Variants in TXNRD2 observed in about 807,000 individuals in gnomAD.
TXNRD2 encodes the protein thioredoxin reductase 2, also known as thioredoxin reductase 2, mitochondrial.
Under a neutral mutation model 70.8 loss-of-function variants are expected in TXNRD2, and 67 were observed. That is an observed-to-expected ratio of 0.95 (90% CI 0.78 to 1.16). The LOEUF (loss-of-function observed/expected upper bound fraction) is 1.16, where lower values mean the gene tolerates loss of function less well. TXNRD2 is among the 50% of genes most tolerant of loss of function. The pLI, the probability that TXNRD2 is intolerant of heterozygous loss-of-function variation, is 0.00. For missense variants in TXNRD2, 644 were observed against 719.9 expected (o/e 0.89, Z 1.21); for synonymous variants, 301 against 295.8 (o/e 1.02, Z -0.18).
chr22:19,933,318 G>A lies in TXNRD2; in HGVS notation c.104-2220C>T. ...ATATAAGTCTAGAGAACCAAGGACT[G>A]CTGGTCAGGGAGAAAATGCCACCAG... is the stretch of plus-strand genomic sequence containing the variant. On this transcript the variant is annotated intron_variant, in intron 1 of 17. Transcript: ENST00000400521. 5.5e-6 allele frequency: 3 copies of A among 544,680 alleles called. No individual in the cohort carries two copies. In the Admixed American group the frequency reaches 7.1e-5, roughly 13 times the overall value. 33.7% of individuals were successfully genotyped at this position (544,680 alleles called of 1,614,324 possible). A position where few individuals can be genotyped will look rare whatever the true frequency, so the allele number is the denominator to read the frequency against.
In TXNRD2 at chr22:19,931,020, G is replaced by A; in HGVS notation, c.172+10C>T. The A allele has an allele frequency of 6.2e-7, 1 of 1,613,418 alleles. No homozygotes were observed. The highest frequency in any genetic ancestry group is 8.5e-7 in the Non-Finnish European group (1 of 1,179,770). On this transcript the variant is annotated intron_variant, in intron 2 of 17. Coordinates refer to ENST00000400521, the MANE Select transcript of TXNRD2 (RefSeq NM_006440.5). Reference sequence around the variant, plus strand: ...TCGAGGCCTTGCCACGAAGTATACAGAATACATACCCTCCTTGGCACAAGC... The same window carrying A: ...TCGAGGCCTTGCCACGAAGTATACAAAATACATACCCTCCTTGGCACAAGC...
intron 8 of TXNRD2, among the ~76,000 whole-genome samples, chr22:19,909,971 CCACACACACCATT>C (rs1356483386): frequency 1.2e-4 from 14 of 121,592 alleles, no homozygotes; most frequent in South Asian, 5.8e-4. Flanking sequence ...CACACACACA[CCACACACACCATT>C]CACACACACA....
At position 19,883,419 on chromosome 22, in the gene TXNRD2, C is replaced by T; in HGVS notation, c.992G>A (p.Gly331Glu). 1 of 1,614,064 alleles carries T rather than the reference C, an allele frequency of 6.2e-7. No homozygotes were observed. Among genetic ancestry groups the T allele is most frequent in the Non-Finnish European group, 8.5e-7 (1 of 1,180,032 alleles). Residue 331 changes from glycine to glutamate, a missense_variant, in exon 12 of 18, where the codon GGG becomes GAG. Transcript: ENST00000400521. ...DTRSLNLEKAGVDTSPDTQKI... is the reference protein window; with the variant it reads ...DTRSLNLEKAEVDTSPDTQKI... ...CTGAGTGTCGGGGCTAGTATCTACC[C>T]CAGCCTTCTCCAAATTCAGACTTCT...
chr22:19,883,547 C>A, intron 11 of TXNRD2, 86 bp from the exon 12 acceptor site: 1 of 1,591,386 alleles, frequency 6.3e-7, no homozygotes, highest in South Asian at 1.1e-5. Flanking sequence ...CTCAGAATGT[C>A]CACTTAGAGA....
chr22:19,940,225 A>T (rs935569700), intron 1 of TXNRD2, among the ~76,000 whole-genome samples: 1 of 140,828 alleles, frequency 7.1e-6, no homozygotes, highest in Non-Finnish European at 1.5e-5. Context: ...AGCTTGGGCG[A>T]CAGAGCAAGA....
At position 19,878,347 on chromosome 22, in the gene TXNRD2, G is replaced by A. The variant is rs992190470; in HGVS notation, c.1347+19C>T. ...CCCTCCCTCTCATCCTCAGCACCCT[G>A]GGCCACAGGGATGCTCACCTTTACA... On this transcript the variant is annotated intron_variant, in intron 15 of 17. Coordinates refer to ENST00000400521, the MANE Select transcript of TXNRD2 (RefSeq NM_006440.5). 5 of 1,613,348 alleles carry A rather than the reference G, an allele frequency of 3.1e-6. No homozygotes were observed. In the African/African-American group the frequency reaches 5.3e-5, roughly 17 times the overall value.
rs539795932 is a variant in TXNRD2 at position 19,936,491 on chromosome 22, A to G, written c.103+5210T>C. ...ATCTATGCTAACTCTTCCCTCTCCAAACCTTTACAGTCTTTGCCTCCGGAG... is the reference window on the plus strand; with the variant it reads ...ATCTATGCTAACTCTTCCCTCTCCAGACCTTTACAGTCTTTGCCTCCGGAG... On this transcript the variant is annotated intron_variant, in intron 1 of 17. Coordinates refer to ENST00000400521, the MANE Select transcript of TXNRD2 (RefSeq NM_006440.5). 4.2e-4 allele frequency among the ~76,000 whole-genome samples: 64 copies of G among 152,078 alleles called. No individual in the cohort carries two copies. In the South Asian group the frequency reaches 0.012, roughly 29 times the overall value.
Position 19,883,394 on chromosome 22 carries a change from C to A in TXNRD2, c.1017G>T (p.Gln339His). 3.7e-6 allele frequency: 6 copies of A among 1,614,080 alleles called. No individual in the cohort carries two copies. The highest frequency in any genetic ancestry group is 4.2e-6 in the Non-Finnish European group (5 of 1,180,034). ...CTTCCCGGGAGTCCACCAGGATCTT[C>A]TGAGTGTCGGGGCTAGTATCTACCC... The part of the protein sequence containing the change: ...KAGVDTSPDT[Q>H]KILVDSREAT... The change falls in exon 12 of 18, where the codon CAG (glutamine) becomes CAT (histidine). Residue 339 changes from glutamine to histidine, a missense_variant. Physicochemically the swap from Gln to His is conservative, Grantham distance 24 (BLOSUM62 0). Coordinates refer to ENST00000400521, the MANE Select transcript of TXNRD2 (RefSeq NM_006440.5).
At chr22:19,909,960 TCACA>T (rs759756078) in intron 8 of TXNRD2, among the ~76,000 whole-genome samples, 1 of 100,132 alleles carries the variant, frequency 1.0e-5, no homozygotes, top group African/African-American at 4.0e-5. Flanking sequence ...CACACACCAC[TCACA>T]CACACACCAC....
rs1940583273 is a variant in TXNRD2, at chr22:19,915,246, CAAT to C, written c.556_558del (p.Ile186del). 1 of 1,613,744 alleles carries C rather than the reference CAAT, an allele frequency of 6.2e-7. No individual in the cohort carries two copies. Among genetic ancestry groups the C allele is most frequent in the African/African-American group, 1.3e-5 (1 of 74,866 alleles). ...GGGTATCTCGGCCGCCCTCCAGTAG[CAAT>C]GATGATGTGATCGGCTGACAGCAGA... On this transcript the variant is annotated inframe_deletion, in exon 7 of 18. Coordinates refer to ENST00000400521, the MANE Select transcript of TXNRD2 (RefSeq NM_006440.5).
chr22:19,917,027 T>G (rs144075736), intron 5 of TXNRD2, among the ~76,000 whole-genome samples: 3 of 152,332 alleles, frequency 2.0e-5, no homozygotes, highest in South Asian at 2.1e-4. Flanking sequence ...CTGTCTGAGC[T>G]GCGTGAAGTT....
chr22:19,935,062 C>T (rs5748484), intron 1 of TXNRD2, among the ~76,000 whole-genome samples: 32,101 of 152,054 alleles, frequency 0.21, 4,020 homozygotes, highest in Middle Eastern at 0.34. Flanking sequence ...TTTTAGGGAA[C>T]GAAGACAACC....
intron 6 of TXNRD2, 48 bp from the exon 7 acceptor site, chr22:19,915,324 C>G (rs372308605): frequency 1.8e-5 from 29 of 1,589,318 alleles, no homozygotes; most frequent in Non-Finnish European, 2.4e-5. Context: ...GCATGGTGAT[C>G]ACCCCACCGG....
At chr22:19,899,156 C>A (rs1939657349) in intron 8 of TXNRD2, 88 bp from the exon 9 acceptor site, 2 of 1,571,676 alleles carry the variant, frequency 1.3e-6, no homozygotes, top group Non-Finnish European at 8.7e-7. Flanking sequence ...AGCCTTTGCC[C>A]AGGCCCTTGG....
At chr22:19,878,832 AGGCACCCT>A (rs1938625853) in intron 14 of TXNRD2, among the ~76,000 whole-genome samples, 1 of 152,228 alleles carries the variant, frequency 6.6e-6, no homozygotes, top group Non-Finnish European at 1.5e-5. Flanking sequence ...GGGCTCCCTC[AGGCACCCT>A]GGTGTTTGCT....
chr22:19,876,053 T>A (rs915837005), intron 17 of TXNRD2: 4 of 152,274 alleles, frequency 2.6e-5, no homozygotes, highest in African/African-American at 9.6e-5. Context: ...AATGTTCTGA[T>A]AAGAGTTTCC....
rs116048466 is a variant in TXNRD2 at position 19,888,419 on chromosome 22, G to A, written c.950-4958C>T. ...CTGATGGACACAGGGACACGGGGAC[G>A]GCCAGCCGCATGCAGTATCATGCGC... is the stretch of plus-strand genomic sequence containing the variant. On this transcript the variant is annotated intron_variant, in intron 11 of 17. Transcript: ENST00000400521. Among the ~76,000 whole-genome samples, 525 of 152,320 alleles carry A rather than the reference G, an allele frequency of 3.4e-3. 8 individuals carry two copies. Among genetic ancestry groups the A allele is most frequent in the African/African-American group, 0.012 (494 of 41,560 alleles).
chr22:19,895,307 A>G (rs2145969365), intron 11 of TXNRD2, 100 bp downstream of exon 11: 1 of 1,598,242 alleles, frequency 6.3e-7, no homozygotes, highest in Non-Finnish European at 8.5e-7. Context: ...GGCAGCCAGC[A>G]GGATGGGGGA....
intron 2 of TXNRD2, among the ~76,000 whole-genome samples, chr22:19,921,879 G>A (rs1439937511): frequency 6.6e-6 from 1 of 152,190 alleles, no homozygotes; most frequent in Non-Finnish European, 1.5e-5. Context: ...ATCTGGACTG[G>A]GAAAAGCATA....
Sources: allele counts gnomAD v4.1 joint callset (sites outside exome capture counted in the v4.1 genomes callset), GRCh38; gene constraint gnomAD v4.1.1; transcripts MANE v1.5; gene names NCBI Gene and HGNC (gene_info 2026-07-23, HGNC 2026-07-21).